The following ADGRL4 variants were observed in gnomAD, a reference collection of about 807,000 sequenced individuals.
The protein encoded by ADGRL4 is adhesion G protein-coupled receptor L4, also known as EGF, latrophilin and seven transmembrane domain containing 1.
ADGRL4 carries 90 observed loss-of-function variants against 74.8 expected under a neutral mutation model. The ratio of observed to expected loss-of-function variants is 1.20; its 90% CI spans 1.02 to 1.43. The LOEUF is 1.43. ADGRL4 is among the 40% of genes most tolerant of loss of function. The pLI is 0.00. For missense variants in ADGRL4, 881 were observed against 814.3 expected (o/e 1.08, Z -1.00); for synonymous variants, 311 against 279.2 (o/e 1.11, Z -1.14).
intron 12 of ADGRL4, among the ~76,000 whole-genome samples, chr1:78,905,727 T>C (rs1450099845): frequency 6.6e-6 from 1 of 152,016 alleles, no homozygotes; most frequent in African/African-American, 2.4e-5. Context: ...GTTTGGAATA[T>C]ACAAGATGCT....
intron 2 of ADGRL4, among the ~76,000 whole-genome samples, chr1:78,997,687 C>G (rs369616215): frequency 6.6e-5 from 10 of 152,016 alleles, no homozygotes; most frequent in African/African-American, 2.2e-4. Flanking sequence ...TCTATTTATT[C>G]ATCTAGGTGT....
chr1:78,937,199 C>A (rs1312143115), intron 6 of ADGRL4, among the ~76,000 whole-genome samples: 1 of 152,148 alleles, frequency 6.6e-6, no homozygotes, highest in African/African-American at 2.4e-5. Flanking sequence ...AATCCCAGCA[C>A]TTTAGGAGAC....
intron 2 of ADGRL4, among the ~76,000 whole-genome samples, chr1:78,994,190 A>G (rs1256773734): frequency 6.6e-6 from 1 of 152,214 alleles, no homozygotes; most frequent in Non-Finnish European, 1.5e-5. Flanking sequence ...AAACCAATGT[A>G]AAGTTTATGA....
At chr1:78,936,781 G>C (rs1247712303) in intron 6 of ADGRL4, among the ~76,000 whole-genome samples, 1 of 152,160 alleles carries the variant, frequency 6.6e-6, no homozygotes, top group Non-Finnish European at 1.5e-5. Flanking sequence ...ACGTTTGAGT[G>C]ATAATTCCTT....
intron 14 of ADGRL4, 45 bp downstream of exon 14, chr1:78,891,479 G>A (rs372767071): frequency 1.9e-6 from 3 of 1,562,388 alleles, no homozygotes; most frequent in African/African-American, 2.7e-5. Flanking sequence ...GGCAACTGAT[G>A]TTACATGAAT....
Position 78,910,473 on chromosome 1 carries a change from A to T in ADGRL4, c.1749+7161T>A, listed in dbSNP as rs184258258. 3.2e-4 allele frequency among the ~76,000 whole-genome samples: 48 copies of T among 151,922 alleles called. 1 individual carries two copies. The highest frequency in any genetic ancestry group is 5.9e-5 in the Non-Finnish European group (4 of 67,810). On this transcript the variant is annotated intron_variant, in intron 12 of 14. Transcript: ENST00000370742. ...ATTCAAATGAAACCTCACAGTTTTT[A>T]AATAAAATACCTTACTTGGACATAG...
intron 3 of ADGRL4, among the ~76,000 whole-genome samples, chr1:78,941,966 G>A (rs1298319655): frequency 1.3e-5 from 2 of 152,104 alleles, no homozygotes; most frequent in South Asian, 2.1e-4. Context: ...TTGGGAGGCC[G>A]AGGCGGGTGG....
intron 12 of ADGRL4, among the ~76,000 whole-genome samples, chr1:78,898,045 A>T (rs2100652419): frequency 1.3e-5 from 2 of 152,270 alleles, no homozygotes; most frequent in African/African-American, 4.8e-5. Flanking sequence ...ATGGAAAAAT[A>T]TCTTTGGGGA....
At chr1:78,973,238 C>T (rs1414829037) in intron 2 of ADGRL4, among the ~76,000 whole-genome samples, 7 of 151,758 alleles carry the variant, frequency 4.6e-5, no homozygotes, top group Non-Finnish European at 1.5e-5. Flanking sequence ...ATTTTTACTC[C>T]ATATAACAGA....
intron 2 of ADGRL4, among the ~76,000 whole-genome samples, chr1:78,993,135 G>A (rs1650642719): frequency 6.6e-6 from 1 of 151,902 alleles, no homozygotes; most frequent in African/African-American, 2.4e-5. Flanking sequence ...TTTTGAGGAT[G>A]TACACAATAT....
At chr1:79,002,710 T>G (rs1650869687) in intron 2 of ADGRL4, among the ~76,000 whole-genome samples, 1 of 152,112 alleles carries the variant, frequency 6.6e-6, no homozygotes, top group Non-Finnish European at 1.5e-5. Flanking sequence ...TTAATCAATA[T>G]GCTTGACTAT....
intron 2 of ADGRL4, among the ~76,000 whole-genome samples, chr1:78,991,068 T>A (rs1650599536): frequency 6.6e-6 from 1 of 152,048 alleles, no homozygotes. Flanking sequence ...CAAAAATGCA[T>A]AAAAGACAGC....
chr1:78,913,938 G>A (rs1449154863), intron 12 of ADGRL4, among the ~76,000 whole-genome samples: 1 of 151,868 alleles, frequency 6.6e-6, no homozygotes, highest in African/African-American at 2.4e-5. Flanking sequence ...AATTTGTTTA[G>A]TAGTTAATGA....
intron 12 of ADGRL4, among the ~76,000 whole-genome samples, chr1:78,909,901 C>A (rs1648723458): frequency 6.6e-6 from 1 of 151,554 alleles, no homozygotes; most frequent in Non-Finnish European, 1.5e-5. Context: ...AAATATTCTT[C>A]AATAGGAAAG....
At chr1:78,954,744 A>T (rs972830334) in intron 2 of ADGRL4, among the ~76,000 whole-genome samples, 1 of 152,176 alleles carries the variant, frequency 6.6e-6, no homozygotes, top group Non-Finnish European at 1.5e-5. Flanking sequence ...AAAAAATTGT[A>T]GTTAGAAATA....
chr1:78,950,606 C>T (rs915089208), intron 2 of ADGRL4, among the ~76,000 whole-genome samples: 1 of 151,980 alleles, frequency 6.6e-6, no homozygotes, highest in Non-Finnish European at 1.5e-5. Flanking sequence ...TTAGGTGTTA[C>T]GAGTCAGTGA....
intron 2 of ADGRL4, among the ~76,000 whole-genome samples, chr1:78,963,613 CAA>C (rs1019038756): frequency 5.3e-5 from 8 of 152,094 alleles, no homozygotes; most frequent in African/African-American, 1.7e-4. Context: ...TATTTTAAGA[CAA>C]ATATGCTTTT....
chr1:78,984,050 GT>G (rs569976780), intron 2 of ADGRL4, among the ~76,000 whole-genome samples: 20 of 151,666 alleles, frequency 1.3e-4, no homozygotes, highest in Non-Finnish European at 1.5e-4. Flanking sequence ...AAATATCCAG[GT>G]AAGTCGAAAA....
At chr1:79,003,438 G>T (rs1472432364) in intron 2 of ADGRL4, among the ~76,000 whole-genome samples, 1 of 150,890 alleles carries the variant, frequency 6.6e-6, no homozygotes, top group Non-Finnish European at 1.5e-5. Flanking sequence ...ACCTAAGAAA[G>T]AAACAAATTC....
Sources: allele counts gnomAD v4.1 joint callset (sites outside exome capture counted in the v4.1 genomes callset), GRCh38; gene constraint gnomAD v4.1.1; transcripts MANE v1.5; gene names NCBI Gene and HGNC (gene_info 2026-07-23, HGNC 2026-07-21).